Variants in SLC7A8 observed in about 807,000 individuals in gnomAD.
SLC7A8 encodes the protein large neutral amino acids transporter small subunit 2.
SLC7A8 carries 30 observed loss-of-function variants against 51.2 expected under a neutral mutation model. The ratio of observed to expected loss-of-function variants is 0.59; its 90% CI spans 0.44 to 0.80. The LOEUF is 0.80. SLC7A8 is among the 30% of genes least tolerant of loss of function. The pLI, the probability that SLC7A8 is intolerant of heterozygous loss-of-function variation, is 0.00. For synonymous variants in SLC7A8, 257 were observed against 275.8 expected, an observed-to-expected ratio of 0.93 and a Z score of 0.67; for missense variants, 612 against 674.4, an observed-to-expected ratio of 0.91 and a Z score of 1.03.
rs763618686 is a variant in SLC7A8 at position 23,131,508 on chromosome 14, T to A, written c.1066A>T (p.Met356Leu). The change falls in exon 8 of 11, where the codon ATG becomes TTG. Residue 356 changes from methionine (M) to leucine (L), a missense_variant. Coordinates refer to ENST00000316902, the MANE Select transcript of SLC7A8 (RefSeq NM_012244.4). ...GGGGTGCAGCGCTTCACGTGGATCATGGCCAACACACTGGGAAGGTGGCCC... is the reference window on the plus strand; with the variant it reads ...GGGGTGCAGCGCTTCACGTGGATCAAGGCCAACACACTGGGAAGGTGGCCC... ...REGHLPSVLA[M>L]IHVKRCTPIP... 1.9e-6 allele frequency: 3 copies of A among 1,609,514 alleles called. No homozygotes were observed. In the South Asian group the frequency reaches 3.3e-5, roughly 18 times the overall value.
At chr14:23,181,182 A>ACCC (rs1877160113) in intron 1 of SLC7A8, among the ~76,000 whole-genome samples, 1 of 152,132 alleles carries the variant, frequency 6.6e-6, no homozygotes, top group South Asian at 2.1e-4. Flanking sequence ...CTGTCAGTCA[A>ACCC]ATTGGTGAAC....
intron 1 of SLC7A8, among the ~76,000 whole-genome samples, chr14:23,171,399 G>T (rs2048974613): frequency 1.3e-5 from 2 of 152,112 alleles, no homozygotes; most frequent in Admixed American, 6.5e-5. Flanking sequence ...ACCCACATTT[G>T]CCGTGAATAA....
rs546165285 is a variant in SLC7A8 at position 23,180,206 on chromosome 14, CT to C, written c.151+2557del. The stretch of plus-strand genomic sequence containing the variant: ...CAGGTGTGAGCCACCGCACCCGGCC[CT>C]TTTTTTGCCTTTTAGTTCTCTTTTT... On this transcript the variant is annotated intron_variant, in intron 1 of 10. Coordinates refer to ENST00000316902, the MANE Select transcript of SLC7A8 (RefSeq NM_012244.4). Among the ~76,000 whole-genome samples, 590 of 152,236 alleles carry C rather than the reference CT, an allele frequency of 3.9e-3. 5 individuals are homozygous for C. Among genetic ancestry groups the C allele is most frequent in the African/African-American group, 0.013 (547 of 41,540 alleles).
rs1180836462 is a variant in SLC7A8 at position 23,127,917 on chromosome 14, G to A, written c.1441+102C>T. 27 of 1,000,724 alleles carry A rather than the reference G, an allele frequency of 2.7e-5. No individual in the cohort carries two copies. The Middle Eastern group carries it at 8.1e-4, about 30-fold the overall frequency. 62.0% of individuals were successfully genotyped at this position (1,000,724 alleles called of 1,614,324 possible). On this transcript the variant is annotated intron_variant, in intron 10 of 10. Coordinates refer to ENST00000316902, the MANE Select transcript of SLC7A8 (RefSeq NM_012244.4). ...GGGCTCTGTGGACTGAGGAGAAGGT[G>A]AGCCTAGATCTCCTGGCCCTGGTGG...
At chr14:23,144,933 CTTTTT>C in intron 3 of SLC7A8, among the ~76,000 whole-genome samples, 1 of 139,650 alleles carries the variant, frequency 7.2e-6, no homozygotes, top group African/African-American at 2.6e-5. Flanking sequence ...TTTTCTTTTT[CTTTTT>C]TTTTTTTTTT....
intron 3 of SLC7A8, among the ~76,000 whole-genome samples, chr14:23,152,832 C>T (rs1019307738): frequency 5.9e-5 from 9 of 152,178 alleles, no homozygotes; most frequent in Admixed American, 4.6e-4. Flanking sequence ...CACATGGATC[C>T]CTGAACCAAT....
At chr14:23,146,383 C>G (rs758463769) in intron 3 of SLC7A8, among the ~76,000 whole-genome samples, 1 of 152,048 alleles carries the variant, frequency 6.6e-6, no homozygotes, top group Non-Finnish European at 1.5e-5. Flanking sequence ...ATTCCTCCTC[C>G]CCCAAGCAGA....
chr14:23,149,471 C>A (rs2048827676), intron 3 of SLC7A8, among the ~76,000 whole-genome samples: 1 of 152,166 alleles, frequency 6.6e-6, no homozygotes, highest in Admixed American at 6.5e-5. Context: ...AGACATGAAT[C>A]CTTTATTTTC....
In SLC7A8 at chr14:23,127,084, G is replaced by T. The variant is rs1259699380; in HGVS notation, c.*93C>A. 2 of 1,442,032 alleles carry T rather than the reference G, an allele frequency of 1.4e-6. No homozygotes were observed. The highest frequency in any genetic ancestry group is 1.9e-6 in the Non-Finnish European group (2 of 1,039,452). The allele number at this position is 1,442,032 out of a possible 1,614,324, so 89.3% of individuals were successfully genotyped here. On this transcript the variant is annotated 3_prime_UTR_variant, in exon 11 of 11. Coordinates refer to ENST00000316902, the MANE Select transcript of SLC7A8 (RefSeq NM_012244.4). ...ACTGCCTGACAAAAGCAGAGAGAGG[G>T]GTGTGTGTGTACTCGCATGTGTTGG...
rs541054589 is a variant in SLC7A8 at position 23,137,268 on chromosome 14, G to T, written c.1016+653C>A. Among the ~76,000 whole-genome samples the T allele has an allele frequency of 3.9e-5, 6 of 152,268 alleles. No individual in the cohort carries two copies. In the South Asian group the frequency reaches 6.2e-4, roughly 16 times the overall value. ...GAGAGTGCTCTGGGGTGGGGGTCAC[G>T]GATAAAAGGCTCTTTCTTTGGACAA... is the stretch of plus-strand genomic sequence containing the variant. On this transcript the variant is annotated intron_variant, in intron 7 of 10. Transcript: ENST00000316902.
At chr14:23,147,400 G>A (rs2048807146) in intron 3 of SLC7A8, among the ~76,000 whole-genome samples, 2 of 152,166 alleles carry the variant, frequency 1.3e-5, no homozygotes, top group South Asian at 2.1e-4. Flanking sequence ...ACAAAACAAC[G>A]AGGTGATGGC....
At chr14:23,130,789 T>A (rs903710335) in intron 8 of SLC7A8, among the ~76,000 whole-genome samples, 1 of 152,196 alleles carries the variant, frequency 6.6e-6, no homozygotes, top group African/African-American at 2.4e-5. Context: ...TGGACCAAAG[T>A]CATTTTTAGT....
chr14:23,133,357 CAT>C (rs2048658113), intron 7 of SLC7A8, among the ~76,000 whole-genome samples: 1 of 147,180 alleles, frequency 6.8e-6, no homozygotes, highest in African/African-American at 2.5e-5. Context: ...GACAGGATCA[CAT>C]GAGCCTGGGA....
intron 3 of SLC7A8, among the ~76,000 whole-genome samples, chr14:23,148,810 G>A (rs1015440544): frequency 3.3e-5 from 5 of 152,188 alleles, no homozygotes; most frequent in Non-Finnish European, 7.3e-5. Flanking sequence ...GCCTGCTGAC[G>A]CTAGAGTTTA....
In SLC7A8 at chr14:23,129,754, G is replaced by T. The variant is rs749809601; in HGVS notation, c.1159C>A (p.Leu387Ile). Reference protein sequence around the residue: ...LMLVTSDMYTLINYVGFINYL... With the variant: ...LMLVTSDMYTIINYVGFINYL... Reference sequence around the variant, plus strand: ...TTGATGAAGCCCACATAGTTGATGAGTGTGTACATGTCGCTGGTGACCAGC... The same window carrying T: ...TTGATGAAGCCCACATAGTTGATGATTGTGTACATGTCGCTGGTGACCAGC... The change falls in exon 9 of 11, where the codon CTC (leucine) becomes ATC (isoleucine). Residue 387 changes from leucine (L) to isoleucine (I), a missense_variant. Leu to Ile is a conservative substitution (Grantham distance 5). Transcript: ENST00000316902. The T allele has an allele frequency of 3.8e-5, 61 of 1,614,188 alleles. No homozygotes were observed. Among genetic ancestry groups the T allele is most frequent in the Non-Finnish European group, 5.1e-5 (60 of 1,180,018 alleles).
At chr14:23,153,241 G>A (rs1322023384) in intron 3 of SLC7A8, among the ~76,000 whole-genome samples, 1 of 152,174 alleles carries the variant, frequency 6.6e-6, no homozygotes, top group Non-Finnish European at 1.5e-5. Flanking sequence ...GCTTCCCAAA[G>A]TGCTAGGATT....
intron 3 of SLC7A8, among the ~76,000 whole-genome samples, chr14:23,144,514 T>A (rs1418571177): frequency 1.3e-5 from 2 of 152,178 alleles, no homozygotes; most frequent in Non-Finnish European, 2.9e-5. Context: ...CTACAAAAAA[T>A]TTTAAAAATA....
chr14:23,146,862 G>A (rs1430096742), intron 3 of SLC7A8: 1 of 152,190 alleles, frequency 6.6e-6, no homozygotes, highest in East Asian at 1.9e-4. Flanking sequence ...AGAGAGGAAA[G>A]GTCAGTGGGT....
chr14:23,160,330 G>A (rs946578943), intron 3 of SLC7A8, among the ~76,000 whole-genome samples: 9 of 152,158 alleles, frequency 5.9e-5, no homozygotes, highest in Non-Finnish European at 1.0e-4. Context: ...CCAGCACTTT[G>A]GGAGGCCAAG....
Sources: gnomAD v4.1 joint callset for allele counts (sites outside exome capture counted in the v4.1 genomes callset) on GRCh38, gnomAD v4.1.1 for gene constraint, MANE v1.5 for transcripts, NCBI Gene and HGNC (gene_info 2026-07-23, HGNC 2026-07-21) for gene names.